GATA4: variants seen among roughly 807,000 people sequenced by gnomAD.
GATA4 encodes transcription factor GATA-4.
A neutral mutation model predicts 37.9 loss-of-function variants in GATA4; 7 were observed. That is an observed-to-expected ratio of 0.18 (90% confidence interval 0.11 to 0.35). GATA4 has a LOEUF of 0.35. Ranked by LOEUF, GATA4 falls within the 10% of genes least tolerant of loss-of-function variation. The probability of loss-of-function intolerance (pLI) is 1.00; values close to 1 mark genes in which losing one functional copy is unlikely to be tolerated. For synonymous variants in GATA4, 372 were observed against 292.6 expected, an observed-to-expected ratio of 1.27 and a Z score of -2.77; for missense variants, 647 against 653.0, an observed-to-expected ratio of 0.99 and a Z score of 0.10.
At chr8:11,720,642 T>G (rs1800630615) in intron 2 of GATA4, among the ~76,000 whole-genome samples, 1 of 152,214 alleles carries the variant, frequency 6.6e-6, no homozygotes, top group African/African-American at 2.4e-5. Context: ...TGCTGTTTCC[T>G]TCTTTGTGTT....
chr8:11,719,161 A>G (rs953015468), intron 2 of GATA4, among the ~76,000 whole-genome samples: 1 of 151,336 alleles, frequency 6.6e-6, no homozygotes, highest in Admixed American at 6.6e-5. Context: ...AAGGTCTGCA[A>G]TGACCTTTTC....
chr8:11,677,489 T>TC (rs1798821419), intron 1 of GATA4, among the ~76,000 whole-genome samples: 2 of 152,306 alleles, frequency 1.3e-5, no homozygotes, highest in East Asian at 3.9e-4. Flanking sequence ...TGACCAGGTA[T>TC]CCCAGGACCA....
intron 2 of GATA4, among the ~76,000 whole-genome samples, chr8:11,723,935 C>T (rs1382160763): frequency 1.3e-5 from 2 of 152,188 alleles, no homozygotes; most frequent in Non-Finnish European, 2.9e-5. Context: ...CTTGCATCTT[C>T]CCAAGTGAAA....
At chr8:11,726,012 G>A (rs1460509513) in intron 2 of GATA4, among the ~76,000 whole-genome samples, 1 of 152,186 alleles carries the variant, frequency 6.6e-6, no homozygotes, top group African/African-American at 2.4e-5. Context: ...TTGGATTATA[G>A]TTCCACTAGC....
chr8:11,738,252 G>C (rs939792373), intron 2 of GATA4, among the ~76,000 whole-genome samples: 1 of 150,304 alleles, frequency 6.7e-6, no homozygotes, highest in Non-Finnish European at 1.5e-5. Flanking sequence ...GTATTTAAAA[G>C]GTACACAACA....
chr8:11,694,983 A>G (rs892646229), intron 1 of GATA4, among the ~76,000 whole-genome samples: 5 of 152,236 alleles, frequency 3.3e-5, no homozygotes, highest in Non-Finnish European at 7.3e-5. Context: ...ATTGCTGTAT[A>G]TACAAGTCCA....
At chr8:11,736,930 C>G (rs531729526) in intron 2 of GATA4, among the ~76,000 whole-genome samples, 1 of 152,304 alleles carries the variant, frequency 6.6e-6, no homozygotes, top group Admixed American at 6.5e-5. Context: ...GGCATTGTCT[C>G]CTGGCCCTGG....
At position 11,757,099 on chromosome 8, in the gene GATA4, G is replaced by T. The variant is rs542606079; in HGVS notation, c.1149+16G>T. The T allele has an allele frequency of 3.7e-6, 6 of 1,612,906 alleles. No homozygotes were observed. The East Asian group carries it at 1.3e-4, about 36-fold the overall frequency. On this transcript the variant is annotated intron_variant, in intron 6 of 6. Coordinates refer to ENST00000532059, the MANE Select transcript of GATA4 (RefSeq NM_001308093.3). ...CGTGTCCCAGGTACGCGCCATGGCT[G>T]GGGCGCCAGGGCTGTTTGTGGGGAG...
chr8:11,737,231 C>G (rs1801506806), intron 2 of GATA4, among the ~76,000 whole-genome samples: 1 of 152,054 alleles, frequency 6.6e-6, no homozygotes, highest in Admixed American at 6.6e-5. Context: ...TAAATCTCCC[C>G]TGAAATGCCT....
intron 1 of GATA4, among the ~76,000 whole-genome samples, chr8:11,679,181 G>GA (rs1331259440): frequency 2.7e-5 from 4 of 149,436 alleles, no homozygotes; most frequent in Non-Finnish European, 6.0e-5. Flanking sequence ...AATAATTGCG[G>GA]GGGGGGGCAC....
intron 1 of GATA4, chr8:11,681,268 C>A: frequency 1.0e-6 from 1 of 985,404 alleles, no homozygotes; most frequent in Non-Finnish European, 1.2e-6. Context: ...GACTGGATTC[C>A]CAGGCCTCCG....
At chr8:11,734,704 G>C (rs1241640890) in intron 2 of GATA4, among the ~76,000 whole-genome samples, 1 of 152,114 alleles carries the variant, frequency 6.6e-6, no homozygotes, top group African/African-American at 2.4e-5. Context: ...TGGTCAGTCT[G>C]GTCTCGAACT....
chr8:11,688,446 A>T (rs115259977), upstream of GATA4, among the ~76,000 whole-genome samples: 447 of 152,350 alleles, frequency 2.9e-3, 4 homozygotes, highest in African/African-American at 0.01. Context: ...ACTAAAGGAT[A>T]TTCCAGCCAT....
At chr8:11,734,663 CTT>C (rs1801369988) in intron 2 of GATA4, among the ~76,000 whole-genome samples, 1 of 152,050 alleles carries the variant, frequency 6.6e-6, no homozygotes, top group Non-Finnish European at 1.5e-5. Flanking sequence ...ATTTTTGTAT[CTT>C]TAGTAGAGAT....
In GATA4 at chr8:11,697,688, G is replaced by A. The variant is rs924742097; in HGVS notation, c.-728-2820G>A. On this transcript the variant is annotated intron_variant, in intron 1 of 2. Transcript: ENST00000526974. ...TCTTCGCGCCTGCGGACCAGAGGCTGTTTTCGCACTTGGGCTTCGCGCTTC... is the reference window on the plus strand; with the variant it reads ...TCTTCGCGCCTGCGGACCAGAGGCTATTTTCGCACTTGGGCTTCGCGCTTC... 8 of 985,356 alleles carry A rather than the reference G, an allele frequency of 8.1e-6. No homozygotes were observed. The Admixed American group carries it at 3.1e-4, about 38-fold the overall frequency. The allele number at this position is 985,356 out of a possible 1,614,324, so 61.0% of individuals were successfully genotyped here. A position where few individuals can be genotyped will look rare whatever the true frequency, so the allele number is the denominator to read the frequency against.
chr8:11,692,275 T>C (rs73537803), upstream of GATA4, among the ~76,000 whole-genome samples: 10,047 of 152,232 alleles, frequency 0.066, 429 homozygotes, highest in Middle Eastern at 0.14. Context: ...CTAAGCTCCA[T>C]CACACCTTTT....
rs139631153 is a variant in GATA4, at chr8:11,693,562, C to CAGAGAGAGAGAGAGAGAGAG, written c.-729+916_-729+935dup. ...ACACACACACACACACACACACACA[C>CAGAGAGAGAGAGAGAGAGAG]AGAGAGAGAGAGAGAGAGAGAGAGA... On this transcript the variant is annotated intron_variant, in intron 1 of 2. Coordinates refer to the GATA4 transcript ENST00000526974. 6.9e-4 allele frequency among the ~76,000 whole-genome samples: 50 copies of CAGAGAGAGAGAGAGAGAGAG among 72,208 alleles called. 2 individuals are homozygous for CAGAGAGAGAGAGAGAGAGAG. Among genetic ancestry groups the CAGAGAGAGAGAGAGAGAGAG allele is most frequent in the African/African-American group, 2.4e-3 (47 of 19,840 alleles). The allele number at this position is 72,208 out of a possible 152,430, so 47.4% of individuals were successfully genotyped here. A position where few individuals can be genotyped will look rare whatever the true frequency, so the allele number is the denominator to read the frequency against.
chr8:11,714,724 G>A (rs1800361927), intron 2 of GATA4, among the ~76,000 whole-genome samples: 1 of 152,190 alleles, frequency 6.6e-6, no homozygotes, highest in Non-Finnish European at 1.5e-5. Context: ...AAGCACTCAG[G>A]TGGAATGATG....
Position 11,708,386 on chromosome 8 carries a change from C to G in GATA4, c.74C>G (p.Ala25Gly). The change falls in exon 2 of 7, where the codon GCC (alanine) becomes GGC (glycine). Residue 25 changes from alanine to glycine, a missense_variant. By Grantham distance (60) the Ala-to-Gly change is moderately conservative. This residue lies in a region of GATA4 where 379 missense variants were observed against 334.5 expected (regional missense o/e 1.13). Coordinates refer to ENST00000532059, the MANE Select transcript of GATA4 (RefSeq NM_001308093.3). The surrounding 1 kb of genome is among the most constrained non-coding windows in gnomAD (Gnocchi z 6.7). ...PGAYEAGGPG[A>G]FMHGAGAASS... is the part of the protein sequence containing the mutation. ...GCCTACGAGGCGGGCGGCCCCGGCG[C>G]CTTCATGCACGGCGCGGGCGCCGCG... The G allele has an allele frequency of 2.6e-6, 4 of 1,550,790 alleles. No homozygotes were observed. The highest frequency in any genetic ancestry group is 1.2e-5 in the South Asian group (1 of 85,546).
Sources: allele counts gnomAD v4.1 joint callset (sites outside exome capture counted in the v4.1 genomes callset), GRCh38; gene constraint gnomAD v4.1.1; regional missense constraint gnomAD v4.1.1; non-coding constraint Gnocchi (gnomAD v3.1); transcripts MANE v1.5; gene names NCBI Gene and HGNC (gene_info 2026-07-23, HGNC 2026-07-21).